The following PTPRQ variants were observed in gnomAD, a reference collection of about 807,000 sequenced individuals.
PTPRQ encodes the protein protein tyrosine phosphatase receptor type Q.
In PTPRQ, 199 loss-of-function variants were observed where a neutral mutation model predicts 246.0. The ratio of observed to expected loss-of-function variants is 0.81; its 90% confidence interval spans 0.72 to 0.91. The LOEUF (loss-of-function observed/expected upper bound fraction) is 0.91, where lower values mean the gene tolerates loss of function less well. PTPRQ is among the 40% of genes least tolerant of loss of function. The pLI, the probability that PTPRQ is intolerant of heterozygous loss-of-function variation, is 0.00. For missense variants in PTPRQ, 2,624 were observed against 2,528.4 expected, an observed-to-expected ratio of 1.04 and a Z score of -0.81; for synonymous variants, 869 against 853.2, an observed-to-expected ratio of 1.02 and a Z score of -0.32.
chr12:80,670,488 T>C lies in PTPRQ; in HGVS notation c.6598T>C (p.Cys2200Arg). The change falls in exon 42 of 45, where the codon TGC (cysteine) becomes CGC (arginine). Residue 2200 changes from cysteine (C) to arginine (R), a missense_variant. Coordinates refer to ENST00000644991, the MANE Select transcript of PTPRQ (RefSeq NM_001145026.2). ...AHDTTPMIVHCSAGVGRTGVF... is the reference protein window; with the variant it reads ...AHDTTPMIVHRSAGVGRTGVF... ...TGACACCACACCTATGATTGTTCAC[T>C]GCAGGTGAGAAAGTGATCAGAAATG... 2.6e-6 allele frequency: 4 copies of C among 1,544,520 alleles called. No homozygotes were observed. The highest frequency in any genetic ancestry group is 3.5e-6 in the Non-Finnish European group (4 of 1,143,546).
chr12:80,588,379 C>G lies in PTPRQ; in HGVS notation c.4536C>G (p.Phe1512Leu). 13 of 1,534,942 alleles carry G rather than the reference C, an allele frequency of 8.5e-6. No homozygotes were observed. Among genetic ancestry groups the G allele is most frequent in the Non-Finnish European group, 1.1e-5 (12 of 1,137,856 alleles). The change falls in exon 26 of 45, where the codon TTC becomes TTG. Residue 1512 changes from phenylalanine (F) to leucine (L), a missense_variant. Phe to Leu is a conservative substitution (Grantham distance 22). Coordinates refer to ENST00000644991, the MANE Select transcript of PTPRQ (RefSeq NM_001145026.2). The part of the protein sequence containing the change: ...YGLKKFRWYR[F>L]QVAASTNAGY... ...TAAAGAAATTTAGATGGTATAGATTCCAAGTGGCTGCCAGCACCAATGCTG... is the reference window on the plus strand; with the variant it reads ...TAAAGAAATTTAGATGGTATAGATTGCAAGTGGCTGCCAGCACCAATGCTG...
chr12:80,486,770 A>G (rs1485170938), intron 9 of PTPRQ, among the ~76,000 whole-genome samples: 1 of 152,122 alleles, frequency 6.6e-6, no homozygotes, highest in Non-Finnish European at 1.5e-5. Context: ...AATGCTTGAA[A>G]TCTTATTAGA....
At chr12:80,514,402 A>ACACACACACACACACACACACACACTCT in intron 17 of PTPRQ, among the ~76,000 whole-genome samples, 1 of 113,020 alleles carries the variant, frequency 8.8e-6, no homozygotes, top group African/African-American at 3.2e-5. Context: ...ACACACACAC[A>ACACACACACACACACACACACACACTCT]CTCTCTCTCT....
At chr12:80,554,388 A>G (rs1896582940) in intron 25 of PTPRQ, among the ~76,000 whole-genome samples, 1 of 152,206 alleles carries the variant, frequency 6.6e-6, no homozygotes, top group Non-Finnish European at 1.5e-5. Flanking sequence ...AAAACCAGTT[A>G]AAACAAAGCT....
intron 28 of PTPRQ, 85 bp downstream of exon 28, chr12:80,610,710 A>T: frequency 6.8e-7 from 1 of 1,467,658 alleles, no homozygotes; most frequent in Non-Finnish European, 9.0e-7. Context: ...CCAAAAAAGG[A>T]TATGTGTTAT....
At chr12:80,610,754 A>C (rs1898519260) in intron 28 of PTPRQ, 129 bp downstream of exon 28, 1 of 1,127,986 alleles carries the variant, frequency 8.9e-7, no homozygotes, top group Admixed American at 3.3e-5. Flanking sequence ...CAAAAAAATT[A>C]GTGACTCTCT....
At chr12:80,456,968 T>A (rs1390536066) in intron 3 of PTPRQ, among the ~76,000 whole-genome samples, 1 of 152,150 alleles carries the variant, frequency 6.6e-6, no homozygotes, top group Non-Finnish European at 1.5e-5. Flanking sequence ...GCCAAGGTTA[T>A]GATTCCAGTC....
In PTPRQ at chr12:80,472,089, C is replaced by T. The variant is rs1565728323; in HGVS notation, c.1040-16C>T. 4 of 1,550,692 alleles carry T rather than the reference C, an allele frequency of 2.6e-6. No individual in the cohort carries two copies. The highest frequency in any genetic ancestry group is 2.6e-6 in the Non-Finnish European group (3 of 1,146,710). ...TTGATAAAAAATAATCCATAGCTAT[C>T]TTCCACTTTTTGCAGGTCGCATTTT... On this transcript the variant is annotated splice_polypyrimidine_tract_variant and intron_variant, in intron 7 of 44. Coordinates refer to ENST00000644991, the MANE Select transcript of PTPRQ (RefSeq NM_001145026.2).
Position 80,678,605 on chromosome 12 carries a change from C to T in PTPRQ, c.6742C>T (p.Gln2248Ter). The T allele has an allele frequency of 1.9e-6, 3 of 1,547,736 alleles. No homozygotes were observed. Among genetic ancestry groups the T allele is most frequent in the East Asian group, 4.9e-5 (2 of 40,790 alleles). The change falls in exon 44 of 45, where the codon CAG (glutamine) becomes TAG (stop). Residue 2248 changes from glutamine (Q) to a stop codon, truncating the protein, a stop_gained. Coordinates refer to ENST00000644991, the MANE Select transcript of PTPRQ (RefSeq NM_001145026.2). LOFTEE classifies it high-confidence loss of function. Reference sequence around the variant, plus strand: ...CCACTCTGTCTTTGGTGTCTAGGCACAGTATATCTTTTTACACCAGTGCAT... The same window carrying T: ...CCACTCTGTCTTTGGTGTCTAGGCATAGTATATCTTTTTACACCAGTGCAT... ...ERMCMVQNLA[Q>*]YIFLHQCILD... is the part of the protein sequence containing the mutation.
intron 41 of PTPRQ, 46 bp downstream of exon 41, chr12:80,669,510 T>C (rs1007053358): frequency 6.6e-7 from 1 of 1,518,580 alleles, no homozygotes; most frequent in Non-Finnish European, 8.8e-7. Context: ...TAAAATATGA[T>C]TGATCTAAAT....
At chr12:80,661,778 TA>T (rs941482984) in intron 39 of PTPRQ, among the ~76,000 whole-genome samples, 1 of 151,302 alleles carries the variant, frequency 6.6e-6, no homozygotes, top group Non-Finnish European at 1.5e-5. Context: ...AACTTTAACA[TA>T]AAAAAATCTG....
chr12:80,621,140 A>G (rs1036219119), intron 32 of PTPRQ, among the ~76,000 whole-genome samples: 1 of 151,838 alleles, frequency 6.6e-6, no homozygotes, highest in African/African-American at 2.4e-5. Flanking sequence ...TCCTAAGCCA[A>G]GTTAACATTG....
In PTPRQ at chr12:80,493,382, A is replaced by T; in HGVS notation, c.1467A>T (p.Thr489=). Residue 489 remains threonine, a synonymous_variant, in exon 10 of 45, where the codon ACA becomes ACT. Coordinates refer to ENST00000644991, the MANE Select transcript of PTPRQ (RefSeq NM_001145026.2). ...EMSSDLHSLA[T]FIYNSHPDKN... ...CGTCTGACCTTCACTCACTTGCTAC[A>T]TTTATATATAACAGCCATCCAGATA... is the stretch of plus-strand genomic sequence containing the variant. The T allele has an allele frequency of 6.5e-7, 1 of 1,550,244 alleles. No individual in the cohort carries two copies. Among genetic ancestry groups the T allele is most frequent in the Middle Eastern group, 1.7e-4 (1 of 5,976 alleles).
intron 3 of PTPRQ, among the ~76,000 whole-genome samples, chr12:80,450,424 A>C (rs1892717972): frequency 6.6e-6 from 1 of 152,046 alleles, no homozygotes; most frequent in Non-Finnish European, 1.5e-5. Context: ...GTTGAATAGG[A>C]GTGGTGAGAG....
intron 17 of PTPRQ, among the ~76,000 whole-genome samples, chr12:80,522,863 T>A (rs2120762549): frequency 6.6e-6 from 1 of 152,336 alleles, no homozygotes; most frequent in Non-Finnish European, 1.5e-5. Flanking sequence ...GGTATCAGGA[T>A]GATGCTGGCA....
chr12:80,675,486 G>A (rs1431308706), intron 43 of PTPRQ, among the ~76,000 whole-genome samples: 1 of 152,154 alleles, frequency 6.6e-6, no homozygotes, highest in Non-Finnish European at 1.5e-5. Context: ...GTCCCTAGGT[G>A]TACACATAGA....
At chr12:80,570,299 A>G (rs1897107884) in intron 25 of PTPRQ, among the ~76,000 whole-genome samples, 1 of 152,118 alleles carries the variant, frequency 6.6e-6, no homozygotes, top group Non-Finnish European at 1.5e-5. Context: ...ATGGTATCTC[A>G]TTGTAGTTTG....
At chr12:80,502,296 A>G (rs1395189489) in intron 14 of PTPRQ, among the ~76,000 whole-genome samples, 1 of 151,936 alleles carries the variant, frequency 6.6e-6, no homozygotes, top group Non-Finnish European at 1.5e-5. Flanking sequence ...ATTAGCTTCA[A>G]ATAAAGAGGG....
rs1896408398 is a variant in PTPRQ, at chr12:80,549,588, A to T, written c.4139A>T (p.Asn1380Ile). 2 of 1,551,130 alleles carry T rather than the reference A, an allele frequency of 1.3e-6. No homozygotes were observed. Among genetic ancestry groups the T allele is most frequent in the Admixed American group, 2.0e-5 (1 of 50,944 alleles). Reference sequence around the variant, plus strand: ...CAGTATATGGTAACAGTTGAAAGGAATTCTACAAAAGTTTCTCCCCAAGAT... The same window carrying T: ...CAGTATATGGTAACAGTTGAAAGGATTTCTACAAAAGTTTCTCCCCAAGAT... The part of the protein sequence containing the change: ...ITQYMVTVER[N>I]STKVSPQDHM... Residue 1380 changes from asparagine to isoleucine, a missense_variant, in exon 25 of 45, where the codon AAT becomes ATT. Asn to Ile is a moderately radical substitution (Grantham distance 149). Coordinates refer to ENST00000644991, the MANE Select transcript of PTPRQ (RefSeq NM_001145026.2).
Sources: gnomAD v4.1 joint callset for allele counts (sites outside exome capture counted in the v4.1 genomes callset) on GRCh38, gnomAD v4.1.1 for gene constraint, MANE v1.5 for transcripts, NCBI Gene and HGNC (gene_info 2026-07-23, HGNC 2026-07-21) for gene names.